Variants in TMEM132C observed in about 807,000 individuals in gnomAD.
TMEM132C encodes transmembrane protein 132C, also known as protein phosphatase 1, regulatory subunit 152.
In TMEM132C, 29 loss-of-function variants were observed where a neutral mutation model predicts 61.4. That is an observed-to-expected ratio of 0.47 (90% CI 0.35 to 0.64). The LOEUF is 0.64. Ranked by LOEUF, TMEM132C falls within the 30% of genes least tolerant of loss-of-function variation. TMEM132C has a pLI of 0.00. For synonymous variants in TMEM132C, 656 were observed against 633.1 expected (o/e 1.04, Z -0.54); for missense variants, 1,408 against 1,476.9 (o/e 0.95, Z 0.76).
At chr12:128,527,766 A>G (rs1873139537) in intron 2 of TMEM132C, among the ~76,000 whole-genome samples, 1 of 151,678 alleles carries the variant, frequency 6.6e-6, no homozygotes, top group Non-Finnish European at 1.5e-5. Flanking sequence ...ACCATAGTGG[A>G]AAAAAGCATG....
rs80149525 is a variant in TMEM132C, at chr12:128,442,104, C to T, written c.974+26484C>T. The stretch of plus-strand genomic sequence containing the variant: ...TAGGCAGTTCTGAGGAGTCATGCCT[C>T]CTGGGCCTCAGTCTTTTCTTCTGTG... On this transcript the variant is annotated intron_variant, in intron 2 of 8. Transcript: ENST00000435159. Among the ~76,000 whole-genome samples the T allele has an allele frequency of 7.4e-3, 1,120 of 152,298 alleles. 6 individuals carry two copies. The highest frequency in any genetic ancestry group is 0.025 in the African/African-American group (1,048 of 41,568).
chr12:128,593,716 G>A (rs1269591312), intron 3 of TMEM132C, among the ~76,000 whole-genome samples: 1 of 152,104 alleles, frequency 6.6e-6, no homozygotes, highest in African/African-American at 2.4e-5. Flanking sequence ...CTAATTACGG[G>A]TCCCCATCTC....
intron 1 of TMEM132C, among the ~76,000 whole-genome samples, chr12:128,296,550 A>G (rs1028673773): frequency 6.6e-6 from 1 of 152,144 alleles, no homozygotes; most frequent in Non-Finnish European, 1.5e-5. Flanking sequence ...CCAGCCATTA[A>G]TTTCCTCTCT....
chr12:128,440,041 G>A (rs1869731296), intron 2 of TMEM132C, among the ~76,000 whole-genome samples: 1 of 152,178 alleles, frequency 6.6e-6, no homozygotes, highest in Non-Finnish European at 1.5e-5. Context: ...CTGTTTGGAG[G>A]TGTCATTTGA....
At chr12:128,461,013 T>C (rs548970167) in intron 2 of TMEM132C, among the ~76,000 whole-genome samples, 2 of 152,310 alleles carry the variant, frequency 1.3e-5, no homozygotes, top group African/African-American at 4.8e-5. Flanking sequence ...TTCTTTGTGT[T>C]GTTTTTTAAA....
intron 1 of TMEM132C, among the ~76,000 whole-genome samples, chr12:128,351,149 A>G (rs558276322): frequency 1.3e-5 from 2 of 152,108 alleles, no homozygotes; most frequent in African/African-American, 4.8e-5. Context: ...TTCATACCCC[A>G]TAGTAAGGAC....
At chr12:128,485,904 T>A (rs1871477182) in intron 2 of TMEM132C, among the ~76,000 whole-genome samples, 1 of 152,152 alleles carries the variant, frequency 6.6e-6, no homozygotes, top group Non-Finnish European at 1.5e-5. Flanking sequence ...CATCCACTTT[T>A]CCTTTTGCGG....
chr12:128,622,357 AAAAATATATATATAT>A lies in TMEM132C; in HGVS notation c.1305+6024_1305+6038del, dbSNP rs1310963169. ...AGACTTTGTCTCAAAAAAAAAAAAA[AAAAATATATATATAT>A]ATATATATATATATATATATATATA... is the stretch of plus-strand genomic sequence containing the variant. On this transcript the variant is annotated intron_variant, in intron 4 of 8. Coordinates refer to ENST00000435159, the MANE Select transcript of TMEM132C (RefSeq NM_001136103.3). Among the ~76,000 whole-genome samples the A allele has an allele frequency of 5.3e-4, 32 of 60,268 alleles. 2 individuals are homozygous for A. In the East Asian group the frequency reaches 7.7e-3, roughly 14 times the overall value. 39.5% of individuals were successfully genotyped at this position (60,268 alleles called of 152,430 possible). A position where few individuals can be genotyped will look rare whatever the true frequency, so the allele number is the denominator to read the frequency against.
In TMEM132C at chr12:128,488,270, G is replaced by A. The variant is rs188879352; in HGVS notation, c.975-55687G>A. Among the ~76,000 whole-genome samples the A allele has an allele frequency of 2.1e-4, 32 of 152,352 alleles. 2 individuals are homozygous for A. In the East Asian group the frequency reaches 5.4e-3, roughly 26 times the overall value. On this transcript the variant is annotated intron_variant, in intron 2 of 8. Transcript: ENST00000435159. ...ACTCAGCCAGTTCTATTGGAGAGCAGTGCTCTGAATGTGTACCCTGTTTGA... is the reference window on the plus strand; with the variant it reads ...ACTCAGCCAGTTCTATTGGAGAGCAATGCTCTGAATGTGTACCCTGTTTGA...
chr12:128,693,435 G>GT (rs1283612283), intron 5 of TMEM132C, among the ~76,000 whole-genome samples: 6 of 152,138 alleles, frequency 3.9e-5, no homozygotes, highest in Non-Finnish European at 8.8e-5. Context: ...TCTGCTTTCT[G>GT]TTTTCTGTTC....
At chr12:128,323,769 T>G (rs1428658568) in intron 1 of TMEM132C, among the ~76,000 whole-genome samples, 3 of 152,220 alleles carry the variant, frequency 2.0e-5, no homozygotes, top group African/African-American at 4.8e-5. Flanking sequence ...CTTGCCTGAT[T>G]GCGTATGCTC....
At chr12:128,298,808 G>A (rs7310904) in intron 1 of TMEM132C, among the ~76,000 whole-genome samples, 62,596 of 152,084 alleles carry the variant, frequency 0.41, 13,320 homozygotes, top group Middle Eastern at 0.52. Context: ...AGTGGGGAGT[G>A]GACCAAGGTC....
At chr12:128,481,540 C>A (rs563152174) in intron 2 of TMEM132C, among the ~76,000 whole-genome samples, 1 of 152,230 alleles carries the variant, frequency 6.6e-6, no homozygotes, top group African/African-American at 2.4e-5. Flanking sequence ...CTTGTTACCC[C>A]CTGCCGTGCG....
chr12:128,280,882 C>A (rs1870868855), intron 1 of TMEM132C, among the ~76,000 whole-genome samples: 1 of 152,116 alleles, frequency 6.6e-6, no homozygotes, highest in South Asian at 2.1e-4. Flanking sequence ...ACAATGTGCT[C>A]TAATTATCCA....
intron 1 of TMEM132C, among the ~76,000 whole-genome samples, chr12:128,359,844 G>A (rs1201504237): frequency 6.6e-6 from 1 of 152,164 alleles, no homozygotes. Context: ...TTTAAAGATA[G>A]CGGCTAATTA....
intron 1 of TMEM132C, among the ~76,000 whole-genome samples, chr12:128,346,381 A>G (rs1295409040): frequency 2.0e-5 from 3 of 152,132 alleles, no homozygotes; most frequent in South Asian, 2.1e-4. Flanking sequence ...TGCCTTGGCT[A>G]TTTGGGTTCC....
At chr12:128,589,403 G>A (rs893739090) in intron 3 of TMEM132C, among the ~76,000 whole-genome samples, 11 of 151,396 alleles carry the variant, frequency 7.3e-5, no homozygotes, top group South Asian at 2.1e-4. Context: ...CTCTCACCCC[G>A]CCTGCCTCCC....
intron 1 of TMEM132C, among the ~76,000 whole-genome samples, chr12:128,393,555 A>G (rs1367207088): frequency 2.0e-5 from 3 of 152,204 alleles, no homozygotes; most frequent in Non-Finnish European, 4.4e-5. Context: ...ATATATTAAC[A>G]TAAATATATG....
intron 1 of TMEM132C, among the ~76,000 whole-genome samples, chr12:128,363,523 C>G (rs1480894894): frequency 5.3e-5 from 8 of 152,128 alleles, no homozygotes; most frequent in Non-Finnish European, 2.9e-5. Context: ...GTCAGCCACT[C>G]TGCCCTGCAC....
Sources: allele counts gnomAD v4.1 joint callset (sites outside exome capture counted in the v4.1 genomes callset), GRCh38; gene constraint gnomAD v4.1.1; transcripts MANE v1.5; gene names NCBI Gene and HGNC (gene_info 2026-07-23, HGNC 2026-07-21).